The following BMPR2 variants were observed in gnomAD, a reference collection of about 807,000 sequenced individuals.
The protein encoded by BMPR2 is bone morphogenetic protein receptor type 2.
BMPR2 carries 29 observed loss-of-function variants against 100.8 expected under a neutral mutation model. The observed-to-expected ratio is 0.29, with a 90% CI of 0.21 to 0.39. The LOEUF (loss-of-function observed/expected upper bound fraction) is 0.39, where lower values mean the gene tolerates loss of function less well. BMPR2 is among the 10% of genes least tolerant of loss of function. The pLI is 1.00. For synonymous variants in BMPR2, 382 were observed against 442.3 expected (o/e 0.86, Z 1.71); for missense variants, 1,011 against 1,274.5 (o/e 0.79, Z 3.15).
At chr2:202,531,862 A>G (rs1177629057) in intron 8 of BMPR2, among the ~76,000 whole-genome samples, 28 of 147,492 alleles carry the variant, frequency 1.9e-4, no homozygotes, top group Non-Finnish European at 1.5e-5. Context: ...TCCTGACCTT[A>G]GGTGATCCAC....
intron 1 of BMPR2, among the ~76,000 whole-genome samples, chr2:202,410,571 C>T (rs1447205562): frequency 6.6e-6 from 1 of 152,050 alleles, no homozygotes; most frequent in Admixed American, 6.6e-5. Context: ...GAAAGGACAG[C>T]CTATCTATCT....
Position 202,500,708 on chromosome 2 carries a change from A to C in BMPR2, c.419-13011A>C, listed in dbSNP as rs568374153. Among the ~76,000 whole-genome samples, 137 of 152,340 alleles carry C rather than the reference A, an allele frequency of 9.0e-4. 1 individual carries two copies. Among genetic ancestry groups the C allele is most frequent in the African/African-American group, 3.1e-3 (129 of 41,576 alleles). ...AGTACAAAAACCAAACGGTCAGTGG[A>C]GTCTAGTGCAAGATCTTAGACTCAT... On this transcript the variant is annotated intron_variant, in intron 3 of 12. Transcript: ENST00000374580.
At chr2:202,459,740 G>A (rs1483519172) in intron 1 of BMPR2, among the ~76,000 whole-genome samples, 1 of 152,074 alleles carries the variant, frequency 6.6e-6, no homozygotes, top group Non-Finnish European at 1.5e-5. Context: ...AAAAGCAAAA[G>A]CAAAACAAAA....
At chr2:202,517,718 C>G (rs1382534691) in intron 5 of BMPR2, among the ~76,000 whole-genome samples, 1 of 152,110 alleles carries the variant, frequency 6.6e-6, no homozygotes, top group African/African-American at 2.4e-5. Flanking sequence ...CTGAATTTCT[C>G]CTTTCTAGGG....
intron 1 of BMPR2, among the ~76,000 whole-genome samples, chr2:202,458,303 A>C (rs867034887): frequency 1.4e-3 from 213 of 149,858 alleles, no homozygotes; most frequent in Non-Finnish European, 2.4e-3. Context: ...AAAAAAAAAA[A>C]AAAAACGCAC....
intron 1 of BMPR2, among the ~76,000 whole-genome samples, chr2:202,395,709 G>T (rs1690644457): frequency 6.6e-6 from 1 of 152,180 alleles, no homozygotes; most frequent in Non-Finnish European, 1.5e-5. Flanking sequence ...GCTGAGGCGG[G>T]TGGATCACCT....
intron 3 of BMPR2, among the ~76,000 whole-genome samples, chr2:202,489,836 G>C (rs1692864657): frequency 6.6e-6 from 1 of 152,166 alleles, no homozygotes; most frequent in African/African-American, 2.4e-5. Context: ...TGTTACATGG[G>C]CAGTAGTAGG....
intron 3 of BMPR2, among the ~76,000 whole-genome samples, chr2:202,509,867 T>G (rs867599710): frequency 1.8e-4 from 28 of 152,086 alleles, no homozygotes; most frequent in African/African-American, 6.5e-4. Context: ...GGTTCAGTTC[T>G]TTTGGGAATT....
chr2:202,520,243 A>C (rs1687797799), intron 7 of BMPR2, 42 bp downstream of exon 7: 1 of 1,363,390 alleles, frequency 7.3e-7, no homozygotes, highest in Non-Finnish European at 1.0e-6. Context: ...ATGTGGGTTC[A>C]AAATTCACAA....
chr2:202,567,305 G>T lies in BMPR2; in HGVS notation c.*7359G>T, dbSNP rs890737282. The T allele has an allele frequency of 6.6e-6, 1 of 152,584 alleles. No individual in the cohort carries two copies. Among genetic ancestry groups the T allele is most frequent in the Non-Finnish European group, 1.5e-5 (1 of 68,030 alleles). 9.5% of individuals were successfully genotyped at this position (152,584 alleles called of 1,614,324 possible). A position where few individuals can be genotyped will look rare whatever the true frequency, so the allele number is the denominator to read the frequency against. ...GAGGATGCTTTTCCGGAAAAAGAAAGGCTAGAAAATACTCGCACTTCCTCA... is the reference window on the plus strand; with the variant it reads ...GAGGATGCTTTTCCGGAAAAAGAAATGCTAGAAAATACTCGCACTTCCTCA... On this transcript the variant is annotated 3_prime_UTR_variant, in exon 13 of 13. Coordinates refer to ENST00000374580, the MANE Select transcript of BMPR2 (RefSeq NM_001204.7).
intron 9 of BMPR2, among the ~76,000 whole-genome samples, chr2:202,537,645 C>T (rs745531287): frequency 6.6e-6 from 1 of 151,636 alleles, no homozygotes; most frequent in Non-Finnish European, 1.5e-5. Context: ...GAATGGTGCA[C>T]TTAAAAATGG....
intron 1 of BMPR2, among the ~76,000 whole-genome samples, chr2:202,389,535 A>G (rs1371303906): frequency 6.6e-6 from 1 of 151,786 alleles, no homozygotes; most frequent in Non-Finnish European, 1.5e-5. Flanking sequence ...TCAAAAAAAA[A>G]AAAAAAAAAA....
intron 1 of BMPR2, among the ~76,000 whole-genome samples, chr2:202,418,726 G>A (rs1691191783): frequency 6.6e-6 from 1 of 152,186 alleles, no homozygotes; most frequent in Non-Finnish European, 1.5e-5. Context: ...AAGGGGTGGG[G>A]GAGACCAAGG....
chr2:202,465,270 T>A (rs1481730017), intron 2 of BMPR2, among the ~76,000 whole-genome samples: 1 of 151,840 alleles, frequency 6.6e-6, no homozygotes, highest in Non-Finnish European at 1.5e-5. Context: ...GCGCCTGTGG[T>A]CCCAGCTACT....
intron 1 of BMPR2, among the ~76,000 whole-genome samples, chr2:202,385,662 CAAA>C (rs34934213): frequency 1.2e-5 from 1 of 82,158 alleles, no homozygotes; most frequent in Non-Finnish European, 2.4e-5. Flanking sequence ...CCACGCCTGG[CAAA>C]AAAAAAAAAA....
chr2:202,448,723 T>C (rs796951298), intron 1 of BMPR2, among the ~76,000 whole-genome samples: 12 of 151,964 alleles, frequency 7.9e-5, no homozygotes, highest in African/African-American at 2.9e-4. Context: ...CCCAAAGTGC[T>C]GAGATTACAG....
chr2:202,534,268 A>T (rs915853155), intron 9 of BMPR2, among the ~76,000 whole-genome samples: 1 of 149,318 alleles, frequency 6.7e-6, no homozygotes, highest in Non-Finnish European at 1.5e-5. Context: ...TTATTTATTT[A>T]TTTATTTTTT....
intron 1 of BMPR2, among the ~76,000 whole-genome samples, chr2:202,413,907 G>A (rs530109465): frequency 6.6e-6 from 1 of 152,150 alleles, no homozygotes; most frequent in East Asian, 1.9e-4. Context: ...CAAGTGATCT[G>A]CCCACCTTAG....
At chr2:202,502,377 AAG>A (rs1687411770) in intron 3 of BMPR2, among the ~76,000 whole-genome samples, 1 of 152,210 alleles carries the variant, frequency 6.6e-6, no homozygotes, top group Non-Finnish European at 1.5e-5. Context: ...AAGTCAAAGA[AAG>A]AGACAGAGAA....
Sources: allele counts gnomAD v4.1 joint callset (sites outside exome capture counted in the v4.1 genomes callset), GRCh38; gene constraint gnomAD v4.1.1; transcripts MANE v1.5; gene names NCBI Gene and HGNC (gene_info 2026-07-23, HGNC 2026-07-21).